C4BPB: variants seen among roughly 807,000 people sequenced by gnomAD.
The protein encoded by C4BPB is complement component 4 binding protein beta.
A neutral mutation model predicts 26.6 loss-of-function variants in C4BPB; 19 were observed. That is an observed-to-expected ratio of 0.71 (90% CI 0.50 to 1.05). The LOEUF (loss-of-function observed/expected upper bound fraction) is 1.05. C4BPB is among the 50% of genes least tolerant of loss of function. The pLI is 0.00. For missense variants in C4BPB, 282 were observed against 302.9 expected (o/e 0.93, Z 0.51); for synonymous variants, 118 against 103.5 (o/e 1.14, Z -0.85).
chr1:207,090,835 A>G (rs1683998263), intron 3 of C4BPB, among the ~76,000 whole-genome samples: 1 of 152,248 alleles, frequency 6.6e-6, no homozygotes, highest in Non-Finnish European at 1.5e-5. Context: ...CAGAAGAGTC[A>G]AATTCACTCA....
At position 207,096,511 on chromosome 1, in the gene C4BPB, G is replaced by T. The variant is rs370844072; in HGVS notation, c.410-11G>T. 3.5e-5 allele frequency: 54 copies of T among 1,547,786 alleles called. No individual in the cohort carries two copies. In the African/African-American group the frequency reaches 6.1e-4, roughly 17 times the overall value. On this transcript the variant is annotated splice_polypyrimidine_tract_variant and intron_variant, in intron 4 of 6. Coordinates refer to ENST00000367078, the MANE Select transcript of C4BPB (RefSeq NM_001017365.3). ...CCTCATAACTATGACTTCTATACTC[G>T]TTTCTCTCAGGGGACTGTGACCCTC...
At chr1:207,096,391 G>A (rs886366431) in intron 4 of C4BPB, 131 bp from the exon 5 acceptor site, 1 of 692,726 alleles carries the variant, frequency 1.4e-6, no homozygotes, top group Non-Finnish European at 2.7e-6. Flanking sequence ...GTTGCTGTGA[G>A]GATGTCAGGT....
At chr1:207,099,459 T>C (rs560627061) in intron 6 of C4BPB, among the ~76,000 whole-genome samples, 8 of 152,298 alleles carry the variant, frequency 5.3e-5, no homozygotes, top group African/African-American at 1.9e-4. Flanking sequence ...GGGATCCCTG[T>C]TATAGAGCAA....
In C4BPB at chr1:207,099,967, G is replaced by A; in HGVS notation, c.*38G>A. ...GCAGATGTAATAGAAATAAACCTATGAATAAATTTTCTTCTTGGTTCTGAA... is the reference window on the plus strand; with the variant it reads ...GCAGATGTAATAGAAATAAACCTATAAATAAATTTTCTTCTTGGTTCTGAA... On this transcript the variant is annotated 3_prime_UTR_variant, in exon 7 of 7. Coordinates refer to ENST00000367078, the MANE Select transcript of C4BPB (RefSeq NM_001017365.3). 6.4e-7 allele frequency: 1 copy of A among 1,561,920 alleles called. No individual in the cohort carries two copies. The highest frequency in any genetic ancestry group is 8.7e-7 in the Non-Finnish European group (1 of 1,155,736).
chr1:207,091,151 G>A (rs1028990621), intron 3 of C4BPB, among the ~76,000 whole-genome samples: 1 of 152,154 alleles, frequency 6.6e-6, no homozygotes, highest in East Asian at 1.9e-4. Flanking sequence ...TATACCTAGA[G>A]TAGAGCACAC....
chr1:207,090,294 C>CT lies in C4BPB; in HGVS notation c.59-8dup, dbSNP rs1285491144. The CT allele has an allele frequency of 1.3e-6, 2 of 1,584,136 alleles. No individual in the cohort carries two copies. Among genetic ancestry groups the CT allele is most frequent in the Non-Finnish European group, 1.7e-6 (2 of 1,168,156 alleles). ...ATGATATGCCAAGTGAATCTGTTTT[C>CT]TTTTTTCTTCCAGCAGAGCACTGTC... On this transcript the variant is annotated splice_polypyrimidine_tract_variant and intron_variant, in intron 2 of 6. Coordinates refer to ENST00000367078, the MANE Select transcript of C4BPB (RefSeq NM_001017365.3).
chr1:207,091,487 T>A (rs1193917723), intron 3 of C4BPB, among the ~76,000 whole-genome samples, 157 bp from the exon 4 acceptor site: 1 of 152,250 alleles, frequency 6.6e-6, no homozygotes, highest in Non-Finnish European at 1.5e-5. Flanking sequence ...TTTTTCATTC[T>A]GCATTGATAT....
chr1:207,096,392 G>C, intron 4 of C4BPB, 130 bp from the exon 5 acceptor site: 3 of 694,440 alleles, frequency 4.3e-6, no homozygotes, highest in Non-Finnish European at 5.3e-6. Flanking sequence ...TTGCTGTGAG[G>C]ATGTCAGGTG....
At chr1:207,096,479 G>T in intron 4 of C4BPB, 43 bp from the exon 5 acceptor site, 1 of 1,174,248 alleles carries the variant, frequency 8.5e-7, no homozygotes, top group South Asian at 1.2e-5. Flanking sequence ...CATTGAGCGT[G>T]CCTGGCCCTC....
chr1:207,092,488 T>C (rs1684069146), intron 4 of C4BPB, among the ~76,000 whole-genome samples: 2 of 152,194 alleles, frequency 1.3e-5, no homozygotes, highest in Admixed American at 1.3e-4. Context: ...TTGCCCGCTA[T>C]TTAATAACTG....
Position 207,089,570 on chromosome 1 carries a change from G to C in C4BPB, c.39G>C (p.Trp13Cys). 1.2e-6 allele frequency: 2 copies of C among 1,614,028 alleles called. No individual in the cohort carries two copies. Among genetic ancestry groups the C allele is most frequent in the East Asian group, 2.2e-5 (1 of 44,878 alleles). The stretch of plus-strand genomic sequence containing the variant: ...GTGCGTGCTGTCTTATGGTTGCGTG[G>C]CGAGTTTCTGCTTCAGATGGTACGT... ...FWCACCLMVA[W>C]RVSASDAEHC... The change falls in exon 2 of 7, where the codon TGG becomes TGC. Residue 13 changes from tryptophan to cysteine, a missense_variant. By Grantham distance (215) the Trp-to-Cys change is radical (BLOSUM62 -2). Coordinates refer to ENST00000367078, the MANE Select transcript of C4BPB (RefSeq NM_001017365.3).
intron 3 of C4BPB, among the ~76,000 whole-genome samples, chr1:207,090,761 T>C (rs1470868179): frequency 6.6e-6 from 1 of 152,210 alleles, no homozygotes; most frequent in Non-Finnish European, 1.5e-5. Flanking sequence ...TGCTATAATT[T>C]GTTTAACCTT....
intron 4 of C4BPB, among the ~76,000 whole-genome samples, chr1:207,094,631 T>C (rs150127329): frequency 2.4e-4 from 37 of 152,328 alleles, no homozygotes; most frequent in African/African-American, 7.9e-4. Context: ...GGTTTCTGAA[T>C]AAACCAGATT....
chr1:207,092,714 G>A, intron 4 of C4BPB, among the ~76,000 whole-genome samples: 1 of 142,628 alleles, frequency 7.0e-6, no homozygotes, highest in East Asian at 2.1e-4. Context: ...TGCAACCTCT[G>A]CTGCCCAGGT....
At chr1:207,095,789 A>G (rs556655773) in intron 4 of C4BPB, 2 of 251,678 alleles carry the variant, frequency 7.9e-6, no homozygotes, top group East Asian at 1.3e-4. Context: ...CCATCTCCCT[A>G]GGTACTGTCC....
Position 207,089,553 on chromosome 1 carries a change from T to G in C4BPB, c.22T>G (p.Cys8Gly), listed in dbSNP as rs1183555449. 6.2e-7 allele frequency: 1 copy of G among 1,614,034 alleles called. No individual in the cohort carries two copies. Among genetic ancestry groups the G allele is most frequent in the African/African-American group, 1.3e-5 (1 of 74,936 alleles). ...CCAGATGTTTTTTTGGTGTGCGTGC[T>G]GTCTTATGGTTGCGTGGCGAGTTTC... MFFWCAC[C>G]LMVAWRVSAS... is the part of the protein sequence containing the mutation. Residue 8 changes from cysteine to glycine, a missense_variant, in exon 2 of 7, where the codon TGT becomes GGT. Transcript: ENST00000367078.
rs981088120 is a variant in C4BPB, at chr1:207,093,641, C to A, written c.409+1821C>A. Reference sequence around the variant, plus strand: ...ATTTTAAATATATAACTATAGAAAGCAAAATTATTAAATCATTAAAAGAAA... The same window carrying A: ...ATTTTAAATATATAACTATAGAAAGAAAAATTATTAAATCATTAAAAGAAA... On this transcript the variant is annotated intron_variant, in intron 4 of 6. Coordinates refer to ENST00000367078, the MANE Select transcript of C4BPB (RefSeq NM_001017365.3). Among the ~76,000 whole-genome samples, 4 of 151,778 alleles carry A rather than the reference C, an allele frequency of 2.6e-5. No homozygotes were observed. The East Asian group carries it at 7.7e-4, about 29-fold the overall frequency.
At chr1:207,097,721 T>A (rs1408906258) in intron 5 of C4BPB, 19 of 171,256 alleles carry the variant, frequency 1.1e-4, no homozygotes, top group Non-Finnish European at 2.1e-4. Flanking sequence ...GCAACTCTCA[T>A]ATTTTTCTGA....
At chr1:207,092,611 G>A (rs1393755898) in intron 4 of C4BPB, among the ~76,000 whole-genome samples, 1 of 147,882 alleles carries the variant, frequency 6.8e-6, no homozygotes, top group Non-Finnish European at 1.5e-5. Context: ...TTATGTCTAC[G>A]TTGTTATTTC....
Sources: gnomAD v4.1 joint callset for allele counts (sites outside exome capture counted in the v4.1 genomes callset) on GRCh38, gnomAD v4.1.1 for gene constraint, MANE v1.5 for transcripts, NCBI Gene and HGNC (gene_info 2026-07-23, HGNC 2026-07-21) for gene names.